The following SMC1A variants were observed in gnomAD, a reference collection of about 807,000 sequenced individuals.
The protein encoded by SMC1A is structural maintenance of chromosomes 1A.
A neutral mutation model predicts 94.5 loss-of-function variants in SMC1A; 4 were observed. That is an observed-to-expected ratio of 0.04 (90% CI 0.02 to 0.10). SMC1A has a LOEUF of 0.10. SMC1A is among the 10% of genes least tolerant of loss of function. The probability of loss-of-function intolerance (pLI) is 1.00; values close to 1 mark genes in which losing one functional copy is unlikely to be tolerated. For synonymous variants in SMC1A, 345 were observed against 347.7 expected, an observed-to-expected ratio of 0.99 and a Z score of 0.09; for missense variants, 304 against 989.0, an observed-to-expected ratio of 0.31 and a Z score of 9.29.
Position 53,394,832 on chromosome X carries a change from A to G in SMC1A, c.2919T>C (p.Tyr973=). Residue 973 remains tyrosine (Y), a synonymous_variant, in exon 19 of 25, where the codon TAT becomes TAC. Transcript: ENST00000322213. ...CAATCTCAATGAGGGCCTCTCGTGC[A>G]TAGATACTGGAAATTCTCTGTGAAC... ...VSGSQRISSI[Y]AREALIEIDY... is the part of the protein sequence containing the mutation. The G allele has an allele frequency of 8.4e-7, 1 of 1,194,610 alleles. No homozygotes were observed. Among genetic ancestry groups the G allele is most frequent in the Non-Finnish European group, 1.1e-6 (1 of 886,088 alleles).
chrX:53,411,670 C>G, intron 7 of SMC1A, 91 bp downstream of exon 7: 1 of 1,061,880 alleles, frequency 9.4e-7, no homozygotes, highest in Non-Finnish European at 1.3e-6. Flanking sequence ...GGAAACGTTT[C>G]AGATTTTGGA....
intron 23 of SMC1A, 38 bp downstream of exon 23, chrX:53,380,980 G>C (rs2075580285): frequency 8.8e-7 from 1 of 1,135,684 alleles, no homozygotes; most frequent in Non-Finnish European, 1.2e-6. Flanking sequence ...CCCCGACCTG[G>C]GGGCATCCCT....
chrX:53,376,019 GTTTTGTGTCAGGCACTGTGCTT>G lies in SMC1A; in HGVS notation c.*4062_*4083del, dbSNP rs1407160691. 8.9e-6 allele frequency: 1 copy of G among 112,790 alleles called. No individual in the cohort carries two copies. Among genetic ancestry groups the G allele is most frequent in the East Asian group, 2.8e-4 (1 of 3,576 alleles). The allele number at this position is 112,790 out of a possible 1,213,427, so 9.3% of individuals were successfully genotyped here. Reference sequence around the variant, plus strand: ...CATTCAAAAACTTTACTGGGTGCCTGTTTTGTGTCAGGCACTGTGCTTTTTTGCAGGGGCTATACTGGTAAGC... The same window carrying G: ...CATTCAAAAACTTTACTGGGTGCCTGTTTTGCAGGGGCTATACTGGTAAGC... On this transcript the variant is annotated 3_prime_UTR_variant, in exon 25 of 25. Transcript: ENST00000322213.
intron 13 of SMC1A, among the ~76,000 whole-genome samples, chrX:53,404,322 C>G (rs782701836): frequency 9.3e-6 from 1 of 107,049 alleles, no homozygotes; most frequent in Non-Finnish European, 1.9e-5. Flanking sequence ...AGTCCCCCCC[C>G]GCCCCGCCCA....
intron 19 of SMC1A, among the ~76,000 whole-genome samples, chrX:53,392,829 C>T (rs1394441607): frequency 8.9e-6 from 1 of 111,916 alleles, no homozygotes; most frequent in Non-Finnish European, 1.9e-5. Context: ...GCATGAGCCA[C>T]TGTGCCCGGC....
At position 53,398,257 on chromosome X, in the gene SMC1A, C is replaced by T. The variant is rs782586415; in HGVS notation, c.2562+1332G>A. On this transcript the variant is annotated intron_variant, in intron 16 of 24. Transcript: ENST00000322213. ...TCATCAGGGGTTAATGATGAAAACA[C>T]AGAAACAAGCGACAAACATAGGCAG... 4.7e-5 allele frequency among the ~76,000 whole-genome samples: 5 copies of T among 107,169 alleles called. No homozygotes were observed. In the East Asian group the frequency reaches 1.5e-3, roughly 31 times the overall value. The allele number at this position is 107,169 out of a possible 115,157, so 93.1% of individuals were successfully genotyped here.
rs151144282 is a variant in SMC1A, at chrX:53,402,868, C to CAAAAAAAAAAAAAAA, written c.2420+683_2420+697dup. On this transcript the variant is annotated intron_variant, in intron 15 of 24. Transcript: ENST00000322213. ...TGGGCGACAGAGCAAGACTCTGTCT[C>CAAAAAAAAAAAAAAA]AAAAAAAAAAAAAAAAAGGGCCGGC... Among the ~76,000 whole-genome samples, 5 of 10,082 alleles carry CAAAAAAAAAAAAAAA rather than the reference C, an allele frequency of 5.0e-4. 1 individual carries two copies. The highest frequency in any genetic ancestry group is 1.5e-3 in the African/African-American group (2 of 1,340). The allele number at this position is 10,082 out of a possible 115,157, so 8.8% of individuals were successfully genotyped here. A position where few individuals can be genotyped will look rare whatever the true frequency, so the allele number is the denominator to read the frequency against.
At chrX:53,396,120 C>T in intron 18 of SMC1A, 107 bp downstream of exon 18, 1 of 930,973 alleles carries the variant, frequency 1.1e-6, no homozygotes, top group African/African-American at 1.9e-5. Flanking sequence ...CCTTCACCAT[C>T]TGCCCACCAT....
intron 1 of SMC1A, among the ~76,000 whole-genome samples, chrX:53,415,699 T>G (rs1294219088): frequency 1.9e-5 from 2 of 106,020 alleles, no homozygotes; most frequent in African/African-American, 6.9e-5. Context: ...CTGGGCATAG[T>G]GGCATGCGCC....
chrX:53,382,700 C>T (rs1312600862), intron 20 of SMC1A, 40 bp from the exon 21 acceptor site: 1 of 1,196,776 alleles, frequency 8.4e-7, no homozygotes, highest in East Asian at 3.0e-5. Flanking sequence ...AGTGCCCTGG[C>T]AAGAAGGACC....
intron 16 of SMC1A, 135 bp downstream of exon 16, chrX:53,399,454 T>C (rs1259296267): frequency 6.8e-6 from 4 of 588,930 alleles, no homozygotes; most frequent in Non-Finnish European, 1.1e-5. Context: ...ATTTTTCCCG[T>C]TTAGGTCTTG....
intron 19 of SMC1A, among the ~76,000 whole-genome samples, chrX:53,384,878 G>A (rs1303897079): frequency 9.0e-6 from 1 of 110,547 alleles, no homozygotes; most frequent in Non-Finnish European, 1.9e-5. Flanking sequence ...ACAGGAGATC[G>A]AGGCTGCAGT....
intron 3 of SMC1A, among the ~76,000 whole-genome samples, chrX:53,414,102 A>G: frequency 9.1e-6 from 1 of 110,419 alleles, no homozygotes; most frequent in Middle Eastern, 4.7e-3. Flanking sequence ...AACAAGAACA[A>G]AAAACAAACA....
intron 1 of SMC1A, among the ~76,000 whole-genome samples, chrX:53,416,193 C>T (rs1198254075): frequency 9.5e-6 from 1 of 104,883 alleles, no homozygotes; most frequent in Non-Finnish European, 2.0e-5. Flanking sequence ...ATCCCAGCTA[C>T]TTGGAAGGCT....
rs2075569824 is a variant in SMC1A, at chrX:53,378,686, T to C, written c.*1417A>G. The C allele has an allele frequency of 8.9e-6, 1 of 112,518 alleles. No individual in the cohort carries two copies. Among genetic ancestry groups the C allele is most frequent in the African/African-American group, 3.2e-5 (1 of 30,923 alleles). 9.3% of individuals were successfully genotyped at this position (112,518 alleles called of 1,213,427 possible). A position where few individuals can be genotyped will look rare whatever the true frequency, so the allele number is the denominator to read the frequency against. ...TGGGTAATTAGAATGGACTTAACTT[T>C]TAAAAAGCAATATACAGATTGGAAT... is the stretch of plus-strand genomic sequence containing the variant. On this transcript the variant is annotated 3_prime_UTR_variant, in exon 25 of 25. Transcript: ENST00000322213.
intron 19 of SMC1A, among the ~76,000 whole-genome samples, chrX:53,389,996 C>T (rs1220603715): frequency 6.7e-5 from 7 of 104,555 alleles, no homozygotes; most frequent in Admixed American, 1.0e-4. Flanking sequence ...ACTACAGGCA[C>T]GTGCCACCAC....
intron 15 of SMC1A, among the ~76,000 whole-genome samples, chrX:53,401,282 C>A (rs1259194938): frequency 1.8e-5 from 2 of 111,766 alleles, no homozygotes; most frequent in South Asian, 3.7e-4. Flanking sequence ...TCACCACTGC[C>A]TGGGCAAGAC....
chrX:53,401,719 GTATATATATACAT>G (rs2146596566), intron 15 of SMC1A, among the ~76,000 whole-genome samples: 1 of 109,871 alleles, frequency 9.1e-6, no homozygotes, highest in South Asian at 3.8e-4. Context: ...TTATATATGT[GTATATATATACAT>G]TATATATATA....
intron 9 of SMC1A, 67 bp downstream of exon 9, chrX:53,408,995 G>T: frequency 9.5e-7 from 1 of 1,056,846 alleles, no homozygotes; most frequent in Non-Finnish European, 1.3e-6. Context: ...TCCTTACAGG[G>T]CTGCTGGGAA....
Sources: allele counts gnomAD v4.1 joint callset (sites outside exome capture counted in the v4.1 genomes callset), GRCh38; gene constraint gnomAD v4.1.1; transcripts MANE v1.5; gene names NCBI Gene and HGNC (gene_info 2026-07-23, HGNC 2026-07-21).